Variants in PIGB observed in about 807,000 individuals in gnomAD.
PIGB encodes the protein GPI alpha-1,2-mannosyltransferase 3.
PIGB carries 58 observed loss-of-function variants against 68.4 expected under a neutral mutation model. The observed-to-expected ratio is 0.85, with a 90% CI of 0.69 to 1.06. The LOEUF is 1.06. Ranked by LOEUF, PIGB falls within the 50% of genes least tolerant of loss-of-function variation. The pLI, the probability that PIGB is intolerant of heterozygous loss-of-function variation, is 0.00. For synonymous variants in PIGB, 219 were observed against 220.5 expected (o/e 0.99, Z 0.06); for missense variants, 634 against 655.8 (o/e 0.97, Z 0.36).
chr15:55,330,656 T>C (rs767470079), intron 5 of PIGB, among the ~76,000 whole-genome samples: 1 of 152,204 alleles, frequency 6.6e-6, no homozygotes, highest in Middle Eastern at 3.2e-3. Context: ...CTGTAGGTAA[T>C]AGGGAACCAT....
chr15:55,326,357 T>G (rs2055285663), intron 3 of PIGB, among the ~76,000 whole-genome samples: 1 of 152,218 alleles, frequency 6.6e-6, no homozygotes, highest in Non-Finnish European at 1.5e-5. Flanking sequence ...GGGTTTATAA[T>G]GCCGGCTTTC....
chr15:55,339,019 A>C (rs554215849), intron 6 of PIGB, among the ~76,000 whole-genome samples: 18 of 152,370 alleles, frequency 1.2e-4, no homozygotes, highest in Non-Finnish European at 2.2e-4. Flanking sequence ...GTAATTTGTT[A>C]TACAGCAGTA....
intron 9 of PIGB, chr15:55,349,412 C>T (rs1188789558): frequency 6.6e-6 from 1 of 152,182 alleles, no homozygotes; most frequent in Non-Finnish European, 1.5e-5. Context: ...CTCCTGGCCT[C>T]AAGCAATCCT....
At chr15:55,353,753 T>G (rs2055986486) in intron 10 of PIGB, among the ~76,000 whole-genome samples, 1 of 152,132 alleles carries the variant, frequency 6.6e-6, no homozygotes, top group South Asian at 2.1e-4. Flanking sequence ...TACAGGCACA[T>G]ACCACCATGC....
Position 55,325,180 on chromosome 15 carries a change from T to C in PIGB, c.418-2351T>C, listed in dbSNP as rs188332681. On this transcript the variant is annotated intron_variant, in intron 3 of 11. Transcript: ENST00000164305. ...ATCTCTACTAAAAATAGAAAAATTATACAGGCATGGTGGCGGGCACCTGTA... is the reference window on the plus strand; with the variant it reads ...ATCTCTACTAAAAATAGAAAAATTACACAGGCATGGTGGCGGGCACCTGTA... Among the ~76,000 whole-genome samples, 6 of 152,052 alleles carry C rather than the reference T, an allele frequency of 3.9e-5. No individual in the cohort carries two copies. In the South Asian group the frequency reaches 8.3e-4, roughly 21 times the overall value.
intron 5 of PIGB, among the ~76,000 whole-genome samples, 164 bp from the exon 6 acceptor site, chr15:55,333,703 G>A (rs920796604): frequency 6.6e-6 from 1 of 152,164 alleles, no homozygotes. Flanking sequence ...CTGCACTCCA[G>A]CCTGGGTGAC....
chr15:55,333,494 G>A (rs935954297), intron 5 of PIGB, among the ~76,000 whole-genome samples: 5 of 152,154 alleles, frequency 3.3e-5, no homozygotes, highest in African/African-American at 1.2e-4. Flanking sequence ...ACTTTAGGAG[G>A]CTGAGGTGGG....
chr15:55,342,740 C>G (rs538786158), intron 9 of PIGB, among the ~76,000 whole-genome samples: 1 of 152,338 alleles, frequency 6.6e-6, no homozygotes, highest in Non-Finnish European at 1.5e-5. Flanking sequence ...TTATTCAGGC[C>G]TTTTCTCCAT....
At chr15:55,353,746 AG>A (rs1224341945) in intron 10 of PIGB, among the ~76,000 whole-genome samples, 1 of 152,074 alleles carries the variant, frequency 6.6e-6, no homozygotes, top group Non-Finnish European at 1.5e-5. Context: ...CTGGAACTAC[AG>A]GCACATACCA....
intron 9 of PIGB, among the ~76,000 whole-genome samples, chr15:55,349,040 G>A (rs561575442): frequency 1.1e-4 from 16 of 147,898 alleles, no homozygotes; most frequent in Non-Finnish European, 1.9e-4. Flanking sequence ...CTGACACCAC[G>A]CCCGGCTAAT....
chr15:55,354,766 T>C, intron 10 of PIGB, 32 bp from the exon 11 acceptor site: 1 of 1,535,638 alleles, frequency 6.5e-7, no homozygotes, highest in East Asian at 2.3e-5. Context: ...ATGTTTTACT[T>C]GTATTTATTA....
At chr15:55,336,631 A>C (rs2055542361) in intron 6 of PIGB, among the ~76,000 whole-genome samples, 1 of 152,238 alleles carries the variant, frequency 6.6e-6, no homozygotes, top group Admixed American at 6.5e-5. Flanking sequence ...ACCATTTTAA[A>C]GTTGAAAAAT....
At chr15:55,353,872 T>G (rs2055991295) in intron 10 of PIGB, among the ~76,000 whole-genome samples, 1 of 152,070 alleles carries the variant, frequency 6.6e-6, no homozygotes, top group African/African-American at 2.4e-5. Flanking sequence ...CCCAAAGTTC[T>G]GGGATTACAG....
intron 9 of PIGB, among the ~76,000 whole-genome samples, chr15:55,348,819 T>C (rs1321558658): frequency 6.6e-6 from 1 of 152,202 alleles, no homozygotes; most frequent in South Asian, 2.1e-4. Context: ...ATGTAGCTTT[T>C]TGTATTTGAG....
chr15:55,329,617 T>C, intron 4 of PIGB, 107 bp from the exon 5 acceptor site: 1 of 903,870 alleles, frequency 1.1e-6, no homozygotes, highest in South Asian at 2.2e-5. Context: ...ATCTACCTTT[T>C]GATGTCCTTT....
chr15:55,350,489 A>G (rs2055897193), intron 9 of PIGB: 1 of 561,144 alleles, frequency 1.8e-6, no homozygotes, highest in Admixed American at 3.5e-5. Flanking sequence ...TCTTTCCACT[A>G]TACCTCAATA....
At chr15:55,322,335 A>G (rs1390263858) in intron 3 of PIGB, among the ~76,000 whole-genome samples, 3 of 152,240 alleles carry the variant, frequency 2.0e-5, no homozygotes, top group Admixed American at 6.5e-5. Context: ...TAATTTGACA[A>G]ACATTTAATG....
chr15:55,330,060 G>A (rs563139538), intron 5 of PIGB, among the ~76,000 whole-genome samples: 4 of 152,094 alleles, frequency 2.6e-5, no homozygotes, highest in Non-Finnish European at 4.4e-5. Context: ...ATTTGCAAAG[G>A]TTTAGACAAT....
Position 55,333,953 on chromosome 15 carries a change from T to C in PIGB, c.740T>C (p.Phe247Ser). ...TGGACACCTTTGCTCTTCAGACATT[T>C]CTGTCAAGAACCAAGAAAGCTTGAT... Reference protein sequence around the residue: ...ILWTPLLFRHFCQEPRKLDLI... With the variant: ...ILWTPLLFRHSCQEPRKLDLI... The change falls in exon 6 of 12, where the codon TTC becomes TCC. Residue 247 changes from phenylalanine (F) to serine (S), a missense_variant. Transcript: ENST00000164305. 1 of 1,608,602 alleles carries C rather than the reference T, an allele frequency of 6.2e-7. No homozygotes were observed. Among genetic ancestry groups the C allele is most frequent in the South Asian group, 1.1e-5 (1 of 90,010 alleles).
Sources: gnomAD v4.1 joint callset for allele counts (sites outside exome capture counted in the v4.1 genomes callset) on GRCh38, gnomAD v4.1.1 for gene constraint, MANE v1.5 for transcripts, NCBI Gene and HGNC (gene_info 2026-07-23, HGNC 2026-07-21) for gene names.